The following TEX9 variants were observed in gnomAD, a reference collection of about 807,000 sequenced individuals.
The protein encoded by TEX9 is testis-expressed protein 9.
A neutral mutation model predicts 59.6 loss-of-function variants in TEX9; 74 were observed. The observed-to-expected ratio is 1.24, with a 90% CI of 1.03 to 1.51. TEX9 has a LOEUF of 1.51. TEX9 is among the 40% of genes most tolerant of loss of function. TEX9 has a pLI of 0.00. For synonymous variants in TEX9, 186 were observed against 152.2 expected (o/e 1.22, Z -1.64); for missense variants, 522 against 447.8 (o/e 1.17, Z -1.49).
At chr15:56,246,777 A>G (rs2043867991) in intron 1 of TEX9, among the ~76,000 whole-genome samples, 1 of 152,230 alleles carries the variant, frequency 6.6e-6, no homozygotes, top group South Asian at 2.1e-4. Context: ...AGTGTACACC[A>G]GAGGAAAATT....
At chr15:56,412,005 C>T (rs12440577) in intron 9 of TEX9, among the ~76,000 whole-genome samples, 6,694 of 152,120 alleles carry the variant, frequency 0.044, 224 homozygotes, top group Admixed American at 0.087. Flanking sequence ...AAATAGAGGA[C>T]AGGTATACTG....
chr15:56,293,674 G>A (rs2045151465), intron 1 of TEX9, among the ~76,000 whole-genome samples: 2 of 152,194 alleles, frequency 1.3e-5, no homozygotes, highest in Admixed American at 1.3e-4. Flanking sequence ...GTATCAGCCT[G>A]ACCTCAAAAG....
intron 4 of TEX9, 83 bp downstream of exon 4, chr15:56,384,114 T>C: frequency 9.4e-7 from 1 of 1,067,442 alleles, no homozygotes; most frequent in Non-Finnish European, 1.4e-6. Context: ...CATGCAAACA[T>C]TGAAAAATCT....
rs17841132 is a variant in TEX9, at chr15:56,384,771, T to C, written c.263+740T>C. Among the ~76,000 whole-genome samples, 1,139 of 152,290 alleles carry C rather than the reference T, an allele frequency of 7.5e-3. 16 individuals are homozygous for C. The highest frequency in any genetic ancestry group is 0.026 in the African/African-American group (1,068 of 41,568). On this transcript the variant is annotated intron_variant, in intron 4 of 12. Transcript: ENST00000352903. ...GGCAATGAATTTAGTAAAACTATCA[T>C]CTGTGGTAAATTGGGAGGCACAACA...
chr15:56,394,314 A>AT, intron 8 of TEX9, 67 bp downstream of exon 8: 1 of 1,301,656 alleles, frequency 7.7e-7, no homozygotes. Flanking sequence ...TTTCAATTAC[A>AT]TTTTTTGAAT....
chr15:56,415,553 T>C (rs879067212), intron 10 of TEX9, among the ~76,000 whole-genome samples: 3 of 151,838 alleles, frequency 2.0e-5, no homozygotes, highest in Non-Finnish European at 2.9e-5. Flanking sequence ...TGCGGCCTTA[T>C]TTATGGGCCC....
chr15:56,320,120 T>C (rs539057687), intron 1 of TEX9, among the ~76,000 whole-genome samples: 3 of 152,302 alleles, frequency 2.0e-5, no homozygotes, highest in South Asian at 4.1e-4. Flanking sequence ...TATTGCAACA[T>C]CTTTTAAACT....
chr15:56,251,439 G>A (rs906481757), intron 1 of TEX9, among the ~76,000 whole-genome samples: 12 of 152,088 alleles, frequency 7.9e-5, no homozygotes, highest in African/African-American at 1.2e-4. Context: ...TCAATCTTCC[G>A]GCTAGACAGT....
intron 10 of TEX9, among the ~76,000 whole-genome samples, chr15:56,422,091 A>G (rs2050004211): frequency 8.7e-6 from 1 of 115,206 alleles, no homozygotes; most frequent in Non-Finnish European, 1.7e-5. Context: ...CAACAGTGTA[A>G]AAGTGTTGTG....
intron 1 of TEX9, among the ~76,000 whole-genome samples, chr15:56,305,600 T>G (rs1438381624): frequency 6.6e-6 from 1 of 152,184 alleles, no homozygotes; most frequent in Non-Finnish European, 1.5e-5. Context: ...GACCCTTATC[T>G]CTTGCCATAC....
intron 1 of TEX9, among the ~76,000 whole-genome samples, chr15:56,257,894 G>T (rs1478864596): frequency 6.6e-6 from 1 of 152,038 alleles, no homozygotes. Flanking sequence ...TATTGCCTAG[G>T]TTTTCTTCTA....
At chr15:56,263,211 C>T (rs2044307422) in intron 1 of TEX9, among the ~76,000 whole-genome samples, 1 of 152,066 alleles carries the variant, frequency 6.6e-6, no homozygotes, top group South Asian at 2.1e-4. Flanking sequence ...TTAGTAGAGA[C>T]AGGGTTTCTC....
At chr15:56,357,720 G>C (rs757175325) in intron 1 of TEX9, among the ~76,000 whole-genome samples, 3 of 152,070 alleles carry the variant, frequency 2.0e-5, no homozygotes, top group Non-Finnish European at 4.4e-5. Flanking sequence ...CAACAAATAT[G>C]TGTTTAATAT....
intron 3 of TEX9, among the ~76,000 whole-genome samples, chr15:56,375,775 T>C (rs1386491186): frequency 6.6e-6 from 1 of 151,824 alleles, no homozygotes; most frequent in African/African-American, 2.4e-5. Context: ...TGCACACATA[T>C]GTTTATTGCG....
At chr15:56,309,477 T>C (rs1465654306) in intron 1 of TEX9, among the ~76,000 whole-genome samples, 2 of 152,142 alleles carry the variant, frequency 1.3e-5, no homozygotes, top group African/African-American at 4.8e-5. Flanking sequence ...TCGTTGATGG[T>C]TGTAACATCC....
upstream of TEX9, among the ~76,000 whole-genome samples, chr15:56,364,497 G>A (rs562287875): frequency 9.7e-5 from 14 of 144,742 alleles, no homozygotes; most frequent in East Asian, 1.4e-3. Flanking sequence ...TGCTTTTGGT[G>A]TCATATCTAA....
rs536249224 is a variant in TEX9, at chr15:56,333,922, C to G, written c.-106-39519C>G. Among the ~76,000 whole-genome samples the G allele has an allele frequency of 5.3e-5, 8 of 152,012 alleles. No homozygotes were observed. The South Asian group carries it at 1.7e-3, about 32-fold the overall frequency. On this transcript the variant is annotated intron_variant, in intron 1 of 5. Coordinates refer to the TEX9 transcript ENST00000560827. The stretch of plus-strand genomic sequence containing the variant: ...AAGAAACTAATCTCATTTACAGTAG[C>G]TACAAATAAAATTAAATACCTAGGA...
chr15:56,382,028 T>C (rs1180382923), intron 3 of TEX9, among the ~76,000 whole-genome samples: 2 of 152,190 alleles, frequency 1.3e-5, no homozygotes, highest in African/African-American at 4.8e-5. Context: ...GAAATTTATC[T>C]GGTGTTCTAG....
chr15:56,288,006 A>G (rs776895921), intron 1 of TEX9, among the ~76,000 whole-genome samples: 45 of 152,194 alleles, frequency 3.0e-4, no homozygotes, highest in Non-Finnish European at 5.0e-4. Context: ...TCTCTTTGAC[A>G]TACTGATTTC....
Sources: allele counts gnomAD v4.1 joint callset (sites outside exome capture counted in the v4.1 genomes callset), GRCh38; gene constraint gnomAD v4.1.1; transcripts MANE v1.5; gene names NCBI Gene and HGNC (gene_info 2026-07-23, HGNC 2026-07-21).